Variants in CBLB observed in about 807,000 individuals in gnomAD.
CBLB encodes the protein Cbl proto-oncogene B, also known as E3 ubiquitin-protein ligase CBL-B.
CBLB carries 31 observed loss-of-function variants against 104.9 expected under a neutral mutation model. That is an observed-to-expected ratio of 0.30 (90% CI 0.22 to 0.40). The LOEUF (loss-of-function observed/expected upper bound fraction) is 0.40, where lower values mean the gene tolerates loss of function less well. CBLB is among the 10% of genes least tolerant of loss of function. The pLI, the probability that CBLB is intolerant of heterozygous loss-of-function variation, is 1.00. For missense variants in CBLB, 1,062 were observed against 1,214.6 expected (o/e 0.87, Z 1.87); for synonymous variants, 440 against 422.6 (o/e 1.04, Z -0.51).
Position 105,675,216 on chromosome 3 carries a change from C to G in CBLB, c.2569+3215G>C, listed in dbSNP as rs188640758. Among the ~76,000 whole-genome samples, 342 of 152,264 alleles carry G rather than the reference C, an allele frequency of 2.2e-3. 2 individuals carry two copies. Among genetic ancestry groups the G allele is most frequent in the Non-Finnish European group, 3.7e-3 (250 of 68,020 alleles). On this transcript the variant is annotated intron_variant, in intron 17 of 18. Transcript: ENST00000394030. ...TGTTTAGAAAAGATGTATCATTACACCAGACTAAGATTTTACAGACTGAAC... is the reference window on the plus strand; with the variant it reads ...TGTTTAGAAAAGATGTATCATTACAGCAGACTAAGATTTTACAGACTGAAC...
chr3:105,797,263 T>C (rs1358497741), intron 3 of CBLB, among the ~76,000 whole-genome samples: 1 of 152,174 alleles, frequency 6.6e-6, no homozygotes, highest in Non-Finnish European at 1.5e-5. Context: ...TAAAAAAGAA[T>C]GAGGTCATGT....
intron 9 of CBLB, among the ~76,000 whole-genome samples, chr3:105,732,412 G>A (rs576733317): frequency 1.1e-4 from 17 of 152,132 alleles, no homozygotes; most frequent in Admixed American, 3.9e-4. Context: ...TGCAAATTTC[G>A]CCAACATCAT....
At chr3:105,813,476 T>C (rs1291579186) in intron 3 of CBLB, among the ~76,000 whole-genome samples, 1 of 152,118 alleles carries the variant, frequency 6.6e-6, no homozygotes, top group African/African-American at 2.4e-5. Flanking sequence ...TAATAAATCA[T>C]CATTTCTCCT....
chr3:105,838,880 T>G (rs2089076268), intron 3 of CBLB, among the ~76,000 whole-genome samples: 1 of 151,390 alleles, frequency 6.6e-6, no homozygotes, highest in Admixed American at 6.6e-5. Context: ...CCTCTCAAAG[T>G]GCTGGGATTA....
intron 4 of CBLB, among the ~76,000 whole-genome samples, chr3:105,761,005 A>G (rs948088259): frequency 2.0e-5 from 3 of 152,070 alleles, no homozygotes; most frequent in African/African-American, 7.2e-5. Context: ...ATACCTACAC[A>G]CTGACTTTAT....
intron 3 of CBLB, among the ~76,000 whole-genome samples, chr3:105,821,989 C>CCATA (rs971155458): frequency 1.2e-4 from 18 of 152,050 alleles, no homozygotes; most frequent in African/African-American, 4.3e-4. Flanking sequence ...TTTGCTTGTT[C>CCATA]CATACCAGCA....
chr3:105,700,705 C>A (rs1340206815), intron 12 of CBLB, among the ~76,000 whole-genome samples: 1 of 152,196 alleles, frequency 6.6e-6, no homozygotes, highest in East Asian at 1.9e-4. Context: ...CAAGGTGAGT[C>A]ACCAGCAAAG....
intron 7 of CBLB, among the ~76,000 whole-genome samples, chr3:105,739,678 T>C (rs1011630324): frequency 3.3e-5 from 5 of 152,060 alleles, no homozygotes; most frequent in Non-Finnish European, 7.4e-5. Flanking sequence ...ACTTAGCTAT[T>C]AACATATAGT....
chr3:105,681,192 A>C, intron 16 of CBLB: 1 of 485,218 alleles, frequency 2.1e-6, no homozygotes, highest in Non-Finnish European at 3.6e-6. Flanking sequence ...TCACTTCAAA[A>C]CTACTAGAGC....
At chr3:105,694,371 A>C (rs2068076821) in intron 12 of CBLB, among the ~76,000 whole-genome samples, 1 of 152,010 alleles carries the variant, frequency 6.6e-6, no homozygotes, top group East Asian at 1.9e-4. Flanking sequence ...ATAATTTTGC[A>C]GAAACATATT....
intron 6 of CBLB, among the ~76,000 whole-genome samples, chr3:105,741,141 C>G (rs1163208225): frequency 2.4e-5 from 3 of 127,348 alleles, no homozygotes; most frequent in East Asian, 2.3e-4. Flanking sequence ...ACTCTGTCAC[C>G]CAGGCTTAGA....
At chr3:105,824,660 T>C (rs949290462) in intron 3 of CBLB, among the ~76,000 whole-genome samples, 10 of 152,052 alleles carry the variant, frequency 6.6e-5, no homozygotes, top group Non-Finnish European at 1.2e-4. Context: ...TAATAACATC[T>C]TAAAATACGA....
intron 3 of CBLB, among the ~76,000 whole-genome samples, chr3:105,781,422 G>A (rs1448831873): frequency 6.6e-6 from 1 of 152,062 alleles, no homozygotes; most frequent in Non-Finnish European, 1.5e-5. Flanking sequence ...ATGGAGGATG[G>A]CACAATGCTA....
chr3:105,811,524 GA>G (rs2084291430), intron 3 of CBLB, among the ~76,000 whole-genome samples: 1 of 152,094 alleles, frequency 6.6e-6, no homozygotes, highest in African/African-American at 2.4e-5. Context: ...AGAGAAATAT[GA>G]ATGAGCTCTG....
chr3:105,709,378 T>C lies in CBLB; in HGVS notation c.1408-5205A>G, dbSNP rs76552481. ...ACTGGTTTTGGCAGTTCTGTCCTTG[T>C]ATCTTTTCAATTTTCTGTTTATTTC... On this transcript the variant is annotated intron_variant, in intron 10 of 18. Coordinates refer to ENST00000394030, the MANE Select transcript of CBLB (RefSeq NM_170662.5). Among the ~76,000 whole-genome samples the C allele has an allele frequency of 6.2e-3, 940 of 152,018 alleles. 30 individuals carry two copies. The highest frequency in any genetic ancestry group is 0.05 in the East Asian group (260 of 5,182).
At chr3:105,756,042 T>A (rs2077051442) in intron 4 of CBLB, among the ~76,000 whole-genome samples, 1 of 152,160 alleles carries the variant, frequency 6.6e-6, no homozygotes, top group African/African-American at 2.4e-5. Flanking sequence ...GTGGAAGGGA[T>A]TATAAGTGAT....
At chr3:105,823,769 T>C (rs568645578) in intron 3 of CBLB, among the ~76,000 whole-genome samples, 7 of 152,272 alleles carry the variant, frequency 4.6e-5, no homozygotes, top group Admixed American at 2.0e-4. Flanking sequence ...TAATCTCTTG[T>C]GTTGAGCTCT....
intron 10 of CBLB, among the ~76,000 whole-genome samples, chr3:105,709,984 T>C (rs2070817477): frequency 6.6e-6 from 1 of 151,954 alleles, no homozygotes; most frequent in African/African-American, 2.4e-5. Context: ...TGACAAATAA[T>C]TTGAAAGAAA....
At chr3:105,681,694 A>T (rs372734231) in intron 15 of CBLB, 30 bp downstream of exon 15, 1 of 1,597,186 alleles carries the variant, frequency 6.3e-7, no homozygotes, top group African/African-American at 1.3e-5. Flanking sequence ...TAAGATGTAC[A>T]TCACAAAGGA....
Sources: gnomAD v4.1 joint callset for allele counts (sites outside exome capture counted in the v4.1 genomes callset) on GRCh38, gnomAD v4.1.1 for gene constraint, MANE v1.5 for transcripts, NCBI Gene and HGNC (gene_info 2026-07-23, HGNC 2026-07-21) for gene names.